Variants in ZMAT5 observed in about 807,000 individuals in gnomAD.
The protein encoded by ZMAT5 is zinc finger matrin-type 5, also known as zinc finger matrin-type protein 5.
A neutral mutation model predicts 28.0 loss-of-function variants in ZMAT5; 23 were observed. The observed-to-expected ratio is 0.82, with a 90% CI of 0.59 to 1.16. ZMAT5 has a LOEUF of 1.16. Among genes scored for constraint, ZMAT5 ranks in the 50% most tolerant of loss-of-function variants. The pLI is 0.00. For synonymous variants in ZMAT5, 76 were observed against 84.1 expected, an observed-to-expected ratio of 0.90 and a Z score of 0.52; for missense variants, 173 against 212.7, an observed-to-expected ratio of 0.81 and a Z score of 1.16.
chr22:29,745,825 G>C (rs560534656), intron 2 of ZMAT5, among the ~76,000 whole-genome samples: 1 of 152,258 alleles, frequency 6.6e-6, no homozygotes. Flanking sequence ...TCATTCACAC[G>C]GTATATCCGC....
rs555732026 is a variant in ZMAT5 at position 29,757,852 on chromosome 22, T to C, written c.-28+9020A>G. 3.4e-3 allele frequency among the ~76,000 whole-genome samples: 515 copies of C among 152,226 alleles called. 2 individuals carry two copies. The highest frequency in any genetic ancestry group is 0.012 in the African/African-American group (486 of 41,524). ...GACCAACATGGGGAAACCTCGTCTC[T>C]ACTAAAATACAAAAAATTAGCCGGG... is the stretch of plus-strand genomic sequence containing the variant. On this transcript the variant is annotated intron_variant, in intron 1 of 5. Transcript: ENST00000344318.
intron 5 of ZMAT5, among the ~76,000 whole-genome samples, chr22:29,734,019 C>T (rs866031744): frequency 3.3e-5 from 5 of 152,194 alleles, no homozygotes; most frequent in East Asian, 3.9e-4. Flanking sequence ...TTTTCCCAGC[C>T]GCGGTCCTAA....
chr22:29,739,706 T>C (rs1386461357), intron 4 of ZMAT5, among the ~76,000 whole-genome samples: 3 of 152,194 alleles, frequency 2.0e-5, no homozygotes, highest in Admixed American at 6.5e-5. Context: ...TGAGAGCCCA[T>C]AGCCAGGGAA....
intron 1 of ZMAT5, among the ~76,000 whole-genome samples, chr22:29,751,977 G>A (rs1296324573): frequency 6.6e-6 from 1 of 151,570 alleles, no homozygotes; most frequent in Non-Finnish European, 1.5e-5. Flanking sequence ...AAAAAAAAAA[G>A]TCTCCTTCCA....
chr22:29,738,573 T>G (rs2067930249), intron 4 of ZMAT5, 132 bp from the exon 5 acceptor site: 1 of 717,592 alleles, frequency 1.4e-6, no homozygotes, highest in South Asian at 1.7e-5. Context: ...TCCAGGAGGA[T>G]GCACCTGGAC....
intron 2 of ZMAT5, among the ~76,000 whole-genome samples, chr22:29,744,314 G>C (rs781458600): frequency 3.3e-4 from 46 of 138,216 alleles, no homozygotes; most frequent in Admixed American, 1.3e-3. Context: ...TTTGCAGAGG[G>C]GAAAACAGAG....
At position 29,748,403 on chromosome 22, in the gene ZMAT5, G is replaced by A; in HGVS notation, c.127+15C>T. 1 of 1,614,200 alleles carries A rather than the reference G, an allele frequency of 6.2e-7. No individual in the cohort carries two copies. The highest frequency in any genetic ancestry group is 8.5e-7 in the Non-Finnish European group (1 of 1,180,010). On this transcript the variant is annotated intron_variant, in intron 2 of 5. Coordinates refer to ENST00000344318, the MANE Select transcript of ZMAT5 (RefSeq NM_001003692.2). ...CAGGGCTCCAGGAGCCTGGCCCCCA[G>A]CCAGCGGCACCCACCTCGGAACATG...
intron 5 of ZMAT5, among the ~76,000 whole-genome samples, chr22:29,735,136 G>A (rs912007357): frequency 1.3e-5 from 2 of 152,188 alleles, no homozygotes; most frequent in African/African-American, 4.8e-5. Context: ...GTGGATGCAG[G>A]GGAGGGGCTC....
chr22:29,733,948 C>T (rs769182431), intron 5 of ZMAT5, among the ~76,000 whole-genome samples: 3 of 152,250 alleles, frequency 2.0e-5, no homozygotes, highest in Non-Finnish European at 2.9e-5. Context: ...CACAACTCTG[C>T]TCGTAGCTTC....
chr22:29,745,151 C>T (rs1325798548), intron 2 of ZMAT5, among the ~76,000 whole-genome samples: 4 of 152,320 alleles, frequency 2.6e-5, no homozygotes, highest in Middle Eastern at 3.4e-3. Flanking sequence ...TGGATGTAAG[C>T]GGGGTAAACA....
intron 1 of ZMAT5, among the ~76,000 whole-genome samples, chr22:29,761,080 C>T (rs2068152512): frequency 6.8e-6 from 1 of 147,632 alleles, no homozygotes; most frequent in Non-Finnish European, 1.5e-5. Flanking sequence ...CGAGACCATC[C>T]TGGCCAACGT....
At chr22:29,735,788 G>C (rs1233146042) in intron 5 of ZMAT5, among the ~76,000 whole-genome samples, 1 of 152,220 alleles carries the variant, frequency 6.6e-6, no homozygotes, top group South Asian at 2.1e-4. Context: ...CCTGTGACTA[G>C]GAGCCAGTCA....
chr22:29,749,241 C>T (rs889400623), intron 1 of ZMAT5, among the ~76,000 whole-genome samples: 17 of 152,078 alleles, frequency 1.1e-4, no homozygotes, highest in Admixed American at 2.6e-4. Context: ...TCATTCCTAA[C>T]TTAAAAAAAC....
At chr22:29,742,859 G>A (rs1195921339) in intron 2 of ZMAT5, among the ~76,000 whole-genome samples, 2 of 152,158 alleles carry the variant, frequency 1.3e-5, no homozygotes, top group Non-Finnish European at 2.9e-5. Flanking sequence ...TGCAATCATG[G>A]CTCACTGCAG....
intron 1 of ZMAT5, among the ~76,000 whole-genome samples, chr22:29,762,474 C>T (rs131287): frequency 0.53 from 80,063 of 152,064 alleles, 21,412 homozygotes; most frequent in East Asian, 0.62. Flanking sequence ...CTCGCATTAC[C>T]GCCTGAGCTT....
chr22:29,751,240 T>C (rs1045801544), intron 1 of ZMAT5, among the ~76,000 whole-genome samples: 2 of 152,050 alleles, frequency 1.3e-5, no homozygotes, highest in Admixed American at 1.3e-4. Flanking sequence ...GCGGCCTACT[T>C]AGATAGACAA....
At chr22:29,732,219 T>G (rs527241502) in intron 5 of ZMAT5, among the ~76,000 whole-genome samples, 341 of 152,350 alleles carry the variant, frequency 2.2e-3, no homozygotes, top group African/African-American at 7.7e-3. Context: ...TTCGAAGTAC[T>G]TTGAACCTTT....
intron 2 of ZMAT5, among the ~76,000 whole-genome samples, chr22:29,742,773 A>C (rs941781339): frequency 3.3e-5 from 5 of 152,218 alleles, no homozygotes; most frequent in African/African-American, 1.2e-4. Flanking sequence ...AGTCAGCTGG[A>C]GAGTCTGGGG....
chr22:29,737,722 T>C (rs2067919159), intron 5 of ZMAT5, among the ~76,000 whole-genome samples: 1 of 152,106 alleles, frequency 6.6e-6, no homozygotes, highest in South Asian at 2.1e-4. Flanking sequence ...TGCCCCGTTC[T>C]GATGTGAATA....
Sources: gnomAD v4.1 joint callset for allele counts (sites outside exome capture counted in the v4.1 genomes callset) on GRCh38, gnomAD v4.1.1 for gene constraint, MANE v1.5 for transcripts, NCBI Gene and HGNC (gene_info 2026-07-23, HGNC 2026-07-21) for gene names.